The following KCNMA1 variants were observed in gnomAD, a reference collection of about 807,000 sequenced individuals.
KCNMA1 encodes potassium calcium-activated channel subfamily M alpha 1.
In KCNMA1, 29 loss-of-function variants were observed where a neutral mutation model predicts 140.0. The observed-to-expected ratio is 0.21, with a 90% confidence interval of 0.15 to 0.28. The LOEUF is 0.28. KCNMA1 is among the 10% of genes least tolerant of loss of function. KCNMA1 has a pLI of 1.00. For missense variants in KCNMA1, 880 were observed against 1,602.2 expected (o/e 0.55, Z 7.70); for synonymous variants, 612 against 611.9 (o/e 1.00, Z 0.00).
chr10:77,392,286 AAGGAAGGTAAGGG>A (rs1465692487), intron 2 of KCNMA1, among the ~76,000 whole-genome samples: 1 of 137,216 alleles, frequency 7.3e-6, no homozygotes, highest in Non-Finnish European at 1.6e-5. Flanking sequence ...GAGGGAAGGG[AAGGAAGGTAAGGG>A]AGGCAAGGGA....
At chr10:77,467,439 T>G (rs2098051458) in intron 1 of KCNMA1, among the ~76,000 whole-genome samples, 1 of 152,174 alleles carries the variant, frequency 6.6e-6, no homozygotes, top group Non-Finnish European at 1.5e-5. Flanking sequence ...CCCAAGGGAC[T>G]CCAGGGTGCC....
At chr10:77,110,114 T>C in intron 8 of KCNMA1, 59 bp downstream of exon 8, 1 of 1,395,700 alleles carries the variant, frequency 7.2e-7, no homozygotes, top group Non-Finnish European at 1.0e-6. Context: ...TAAGGAAATG[T>C]ATCATGGAAA....
chr10:77,194,412 C>T (rs2039726986), intron 3 of KCNMA1, among the ~76,000 whole-genome samples: 1 of 152,162 alleles, frequency 6.6e-6, no homozygotes, highest in Non-Finnish European at 1.5e-5. Context: ...TCACCAGTCC[C>T]CTATTTAACT....
chr10:77,244,829 A>G (rs1487177165), intron 3 of KCNMA1, among the ~76,000 whole-genome samples: 2 of 152,108 alleles, frequency 1.3e-5, no homozygotes, highest in African/African-American at 4.8e-5. Flanking sequence ...CATTGGAGTT[A>G]TTTACAGCCT....
intron 1 of KCNMA1, among the ~76,000 whole-genome samples, chr10:77,406,511 G>A (rs2096478240): frequency 6.6e-6 from 1 of 152,182 alleles, no homozygotes; most frequent in African/African-American, 2.4e-5. Context: ...TTGAAACACA[G>A]TGTGCTGGGC....
chr10:77,264,667 T>A (rs1266811740), intron 2 of KCNMA1, among the ~76,000 whole-genome samples: 17 of 152,186 alleles, frequency 1.1e-4, no homozygotes. Flanking sequence ...TCCCTTAAGC[T>A]TACTGCATGG....
At chr10:77,284,080 T>C (rs2069733965) in intron 2 of KCNMA1, among the ~76,000 whole-genome samples, 1 of 152,102 alleles carries the variant, frequency 6.6e-6, no homozygotes, top group Admixed American at 6.6e-5. Flanking sequence ...GACTATGGCG[T>C]GGTGAAAAAT....
At chr10:77,044,056 A>C (rs957838224) in intron 14 of KCNMA1, among the ~76,000 whole-genome samples, 1 of 152,208 alleles carries the variant, frequency 6.6e-6, no homozygotes, top group African/African-American at 2.4e-5. Flanking sequence ...GAGCAGGAGA[A>C]TCAGTAATTA....
chr10:77,167,116 A>G (rs755713760), intron 5 of KCNMA1, among the ~76,000 whole-genome samples: 5 of 151,800 alleles, frequency 3.3e-5, no homozygotes, highest in Non-Finnish European at 5.9e-5. Flanking sequence ...ACCTCTCTTC[A>G]TCCTCCCCTC....
At chr10:77,554,490 A>C (rs925127173) in intron 1 of KCNMA1, among the ~76,000 whole-genome samples, 4 of 151,062 alleles carry the variant, frequency 2.6e-5, no homozygotes, top group Non-Finnish European at 5.9e-5. Flanking sequence ...CCAGCTACTC[A>C]GGAGGCTAAG....
intron 2 of KCNMA1, among the ~76,000 whole-genome samples, chr10:77,361,520 G>A (rs2154400677): frequency 6.6e-6 from 1 of 152,364 alleles, no homozygotes; most frequent in African/African-American, 2.4e-5. Flanking sequence ...AAGAACAGGA[G>A]GGCAGAGCAG....
At chr10:77,093,915 G>T (rs2096870908) in intron 9 of KCNMA1, among the ~76,000 whole-genome samples, 1 of 152,188 alleles carries the variant, frequency 6.6e-6, no homozygotes, top group Non-Finnish European at 1.5e-5. Context: ...TGATAGCCCT[G>T]TGTTAACTCA....
downstream of KCNMA1, among the ~76,000 whole-genome samples, chr10:76,882,991 T>C (rs1353913519): frequency 6.6e-6 from 1 of 152,214 alleles, no homozygotes; most frequent in African/African-American, 2.4e-5. Flanking sequence ...TATAGGAACC[T>C]GGCAGGTTGA....
At chr10:76,941,608 C>T (rs2062437481) in intron 23 of KCNMA1, among the ~76,000 whole-genome samples, 1 of 152,120 alleles carries the variant, frequency 6.6e-6, no homozygotes, top group Non-Finnish European at 1.5e-5. Context: ...TCTTGGTGGG[C>T]CTAGAGCTTT....
intron 2 of KCNMA1, among the ~76,000 whole-genome samples, chr10:77,360,196 G>T (rs934082640): frequency 6.6e-6 from 1 of 152,198 alleles, no homozygotes; most frequent in African/African-American, 2.4e-5. Flanking sequence ...AATATATAAA[G>T]CAATAGGTAC....
At chr10:77,628,554 G>A (rs2092817655) in intron 1 of KCNMA1, among the ~76,000 whole-genome samples, 1 of 151,734 alleles carries the variant, frequency 6.6e-6, no homozygotes, top group African/African-American at 2.4e-5. Flanking sequence ...GTACTCAGGA[G>A]GCACTAGAAC....
chr10:77,182,750 C>T (rs778447060), intron 5 of KCNMA1, among the ~76,000 whole-genome samples: 12 of 152,132 alleles, frequency 7.9e-5, no homozygotes, highest in Non-Finnish European at 1.8e-4. Flanking sequence ...ATGAAATCAA[C>T]GCAGCAATGA....
intron 3 of KCNMA1, among the ~76,000 whole-genome samples, chr10:77,239,393 C>T (rs909331720): frequency 7.2e-5 from 11 of 152,212 alleles, no homozygotes; most frequent in Middle Eastern, 3.4e-3. Flanking sequence ...GTGAGGGTAG[C>T]GGGTGTATGG....
chr10:77,387,724 T>G (rs2095666011), intron 2 of KCNMA1, among the ~76,000 whole-genome samples: 1 of 152,046 alleles, frequency 6.6e-6, no homozygotes, highest in South Asian at 2.1e-4. Flanking sequence ...TTCAAGTGAT[T>G]CTCCTGCCTC....
Sources: gnomAD v4.1 joint callset for allele counts (sites outside exome capture counted in the v4.1 genomes callset) on GRCh38, gnomAD v4.1.1 for gene constraint, MANE v1.5 for transcripts, NCBI Gene and HGNC (gene_info 2026-07-23, HGNC 2026-07-21) for gene names.